GPRIN2: variants seen among roughly 807,000 people sequenced by gnomAD.
GPRIN2 encodes G protein regulated inducer of neurite outgrowth 2, also known as G protein-regulated inducer of neurite outgrowth 2.
In GPRIN2, 1 loss-of-function variant was observed where a neutral mutation model predicts 0.3. The ratio of observed to expected loss-of-function variants is 3.90; its 90% CI spans 1.39 to 18.51. GPRIN2 has a LOEUF of 18.51. Among genes scored for constraint, GPRIN2 ranks in the 30% most tolerant of loss-of-function variants. GPRIN2 has a pLI of 0.11. For missense variants in GPRIN2, 880 were observed against 604.2 expected (o/e 1.46, Z -4.79); for synonymous variants, 361 against 258.6 (o/e 1.40, Z -3.80).
At position 46,545,181 on chromosome 10, in the gene GPRIN2, A is replaced by C. The variant is rs1222607787; in HGVS notation, c.*4179T>G. Among the ~76,000 whole-genome samples, 4 of 152,308 alleles carry C rather than the reference A, an allele frequency of 2.6e-5. No homozygotes were observed. The highest frequency in any genetic ancestry group is 9.6e-5 in the African/African-American group (4 of 41,486). The stretch of plus-strand genomic sequence containing the variant: ...TGGCATGACATGGATGCAAATGTCA[A>C]TGGGTGCACCCCCAGATGCCTGTGA... On this transcript the variant is annotated 3_prime_UTR_variant, in exon 3 of 3. Coordinates refer to ENST00000374314, the MANE Select transcript of GPRIN2 (RefSeq NM_001385282.1).
rs1052912574 is a variant in GPRIN2, at chr10:46,542,093, A to G, written c.*7267T>C. On this transcript the variant is annotated 3_prime_UTR_variant, in exon 3 of 3. Coordinates refer to ENST00000374314, the MANE Select transcript of GPRIN2 (RefSeq NM_001385282.1). ...AAAAGCCACAAAGCTTGTGTACAAA[A>G]TGACACCCTTGGCCACCATCTCCCA... is the stretch of plus-strand genomic sequence containing the variant. Among the ~76,000 whole-genome samples the G allele has an allele frequency of 2.0e-5, 3 of 152,310 alleles. No homozygotes were observed. Among genetic ancestry groups the G allele is most frequent in the African/African-American group, 4.8e-5 (2 of 41,486 alleles).
At position 46,550,747 on chromosome 10, in the gene GPRIN2, A is replaced by G. The variant is rs1842506067; in HGVS notation, c.-6-5T>C. ...GCGGCTGGAGCTCATGGCTGCCTGC[A>G]GAAGAGAGAAAGGGAGGGAGTGGAG... On this transcript the variant is annotated splice_polypyrimidine_tract_variant and splice_region_variant and intron_variant, in intron 2 of 2. Transcript: ENST00000374314. 26 of 1,501,820 alleles carry G rather than the reference A, an allele frequency of 1.7e-5. No homozygotes were observed. Among genetic ancestry groups the G allele is most frequent in the Non-Finnish European group, 2.1e-5 (24 of 1,127,380 alleles). 93.0% of individuals were successfully genotyped at this position (1,501,820 alleles called of 1,614,324 possible).
intron 2 of GPRIN2, among the ~76,000 whole-genome samples, chr10:46,553,371 T>C (rs1832051683): frequency 6.6e-6 from 1 of 152,426 alleles, no homozygotes; most frequent in East Asian, 1.9e-4. Context: ...GTGTTCCTCC[T>C]GACTGGGACA....
intron 1 of GPRIN2, among the ~76,000 whole-genome samples, chr10:46,555,071 C>T (rs1168695453): frequency 3.3e-5 from 5 of 152,302 alleles, no homozygotes; most frequent in South Asian, 2.1e-4. Flanking sequence ...CTTAGTCTCC[C>T]GGCAGCTGGG....
chr10:46,552,361 A>G (rs1842708781), intron 2 of GPRIN2, among the ~76,000 whole-genome samples: 1 of 152,310 alleles, frequency 6.6e-6, no homozygotes, highest in Non-Finnish European at 1.5e-5. Flanking sequence ...GGGTGGGGAC[A>G]GGAGGCAGCA....
chr10:46,551,626 A>T, intron 2 of GPRIN2: 6 of 437,164 alleles, frequency 1.4e-5, no homozygotes, highest in Non-Finnish European at 1.8e-5. Context: ...ACCATCAATC[A>T]GACCTATCCT....
Position 46,549,321 on chromosome 10 carries a change from A to G in GPRIN2, c.*39T>C. The G allele has an allele frequency of 1.4e-6, 2 of 1,455,728 alleles. No homozygotes were observed. Among genetic ancestry groups the G allele is most frequent in the Non-Finnish European group, 9.1e-7 (1 of 1,104,680 alleles). The allele number at this position is 1,455,728 out of a possible 1,614,324, so 90.2% of individuals were successfully genotyped here. ...CGTCCCTGGCCCAGGTCTAGGACTA[A>G]GTCAGTGGGCCCAGGCCAGCTCCAA... On this transcript the variant is annotated 3_prime_UTR_variant, in exon 3 of 3. Coordinates refer to ENST00000374314, the MANE Select transcript of GPRIN2 (RefSeq NM_001385282.1).
Position 46,550,530 on chromosome 10 carries a change from A to T in GPRIN2, c.207T>A (p.Pro69=), listed in dbSNP as rs1842499309. 6.3e-7 allele frequency: 1 copy of T among 1,595,628 alleles called. No homozygotes were observed. Among genetic ancestry groups the T allele is most frequent in the Non-Finnish European group, 8.5e-7 (1 of 1,170,084 alleles). Residue 69 remains proline (P), a synonymous_variant, in exon 3 of 3, where the codon CCT becomes CCA. Transcript: ENST00000374314. ...PQAPEEEGNP[P]ESMKPARASG... Reference sequence around the variant, plus strand: ...AGGCCCGTGCTGGCTTCATGCTCTCAGGCGGGTTCCCCTCTTCCTCCGGGG... The same window carrying T: ...AGGCCCGTGCTGGCTTCATGCTCTCTGGCGGGTTCCCCTCTTCCTCCGGGG...
At chr10:46,550,878 A>G in intron 2 of GPRIN2, 136 bp from the exon 3 acceptor site, 2 of 966,612 alleles carry the variant, frequency 2.1e-6, no homozygotes, top group East Asian at 2.8e-5. Flanking sequence ...GGTCAGAACC[A>G]TATGCAAGGC....
chr10:46,556,359 T>C (rs1831829816), intron 1 of GPRIN2, among the ~76,000 whole-genome samples, 139 bp downstream of exon 1: 296 of 152,208 alleles, frequency 1.9e-3, no homozygotes, highest in South Asian at 0.014. Context: ...CCGGGGGCTC[T>C]GGGCGCTGGG....
At chr10:46,557,273 G>T (rs1158095000), upstream of GPRIN2, among the ~76,000 whole-genome samples, 1 of 152,296 alleles carries the variant, frequency 6.6e-6, no homozygotes, top group Non-Finnish European at 1.5e-5. Context: ...CCCATCCTCT[G>T]AGCTCCACTC....
intron 2 of GPRIN2, chr10:46,551,587 G>T: frequency 1.2e-6 from 1 of 810,400 alleles, no homozygotes; most frequent in Non-Finnish European, 1.5e-6. Flanking sequence ...TGGGGACGGT[G>T]CAGCAGTGAG....
rs1353915227 is a variant in GPRIN2 at position 46,550,197 on chromosome 10, ATCC to A, written c.537_539del (p.Glu179del). The A allele has an allele frequency of 1.9e-6, 3 of 1,600,950 alleles. No homozygotes were observed. The highest frequency in any genetic ancestry group is 2.6e-6 in the Non-Finnish European group (3 of 1,173,368). On this transcript the variant is annotated inframe_deletion, in exon 3 of 3. Transcript: ENST00000374314. ...GCATCCAGGCTGAGTTAGAAGTCTCATCCTCAGGAGCCAGGTCCCTTTCCAGGC... is the reference window on the plus strand; with the variant it reads ...GCATCCAGGCTGAGTTAGAAGTCTCATCAGGAGCCAGGTCCCTTTCCAGGC...
upstream of GPRIN2, among the ~76,000 whole-genome samples, chr10:46,556,740 A>G (rs1831800618): frequency 9.3e-4 from 141 of 152,202 alleles, no homozygotes; most frequent in Admixed American, 1.4e-3. Context: ...GGCCCGTGCC[A>G]CTCTGGAGCC....
intron 2 of GPRIN2, among the ~76,000 whole-genome samples, chr10:46,552,765 A>G (rs1401558973): frequency 6.6e-6 from 1 of 152,312 alleles, no homozygotes; most frequent in Non-Finnish European, 1.5e-5. Context: ...ACATGAGGCT[A>G]ATGGCTACCG....
Position 46,549,464 on chromosome 10 carries a change from C to T in GPRIN2, c.1273G>A (p.Glu425Lys), listed in dbSNP as rs1832711321. The change falls in exon 3 of 3, where the codon GAG becomes AAG. Residue 425 changes from glutamate to lysine, a missense_variant. By Grantham distance (56) the Glu-to-Lys change is moderately conservative. Coordinates refer to ENST00000374314, the MANE Select transcript of GPRIN2 (RefSeq NM_001385282.1). The part of the protein sequence containing the change: ...FEQLQRAPAS[E>K]DSLSVEGRRG... Reference sequence around the variant, plus strand: ...CGGCCCTCCACAGACAGGCTGTCCTCGCTGGCGGGCGCCCGCTGCAGCTGC... The same window carrying T: ...CGGCCCTCCACAGACAGGCTGTCCTTGCTGGCGGGCGCCCGCTGCAGCTGC... 41 of 1,609,572 alleles carry T rather than the reference C, an allele frequency of 2.5e-5. No homozygotes were observed. The highest frequency in any genetic ancestry group is 1.3e-4 in the Admixed American group (8 of 59,676).
In GPRIN2 at chr10:46,550,498, G is replaced by A; in HGVS notation, c.239C>T (p.Pro80Leu). The change falls in exon 3 of 3, where the codon CCC (proline) becomes CTC (leucine). Residue 80 changes from proline to leucine, a missense_variant. Transcript: ENST00000374314. ...GCCTCCAGCACTGGGTCGCGCCTTG[G>A]GGCCAGAGGCCCGTGCTGGCTTCAT... is the stretch of plus-strand genomic sequence containing the variant. ...ESMKPARASG[P>L]KARPSAGGHW... 1.2e-6 allele frequency: 2 copies of A among 1,607,484 alleles called. No homozygotes were observed. The highest frequency in any genetic ancestry group is 1.7e-6 in the Non-Finnish European group (2 of 1,176,280).
rs142429365 is a variant in GPRIN2, at chr10:46,549,840, G to A, written c.897C>T (p.Pro299=). The change falls in exon 3 of 3, where the codon CCC becomes CCT. Residue 299 remains proline (P), a synonymous_variant. Transcript: ENST00000374314. ...HSHCCAHLWG[P]AGLVPEPGSR... ...AGCCAGGCTCTGGGACTAACCCAGC[G>A]GGACCCCAAAGGTGGGCACAGCAAT... 413 of 1,613,700 alleles carry A rather than the reference G, an allele frequency of 2.6e-4. No individual in the cohort carries two copies. The highest frequency in any genetic ancestry group is 6.7e-4 in the African/African-American group (50 of 75,056).
chr10:46,545,931 C>T lies in GPRIN2; in HGVS notation c.*3429G>A, dbSNP rs1463095728. 6.6e-6 allele frequency among the ~76,000 whole-genome samples: 1 copy of T among 152,312 alleles called. No homozygotes were observed. The highest frequency in any genetic ancestry group is 6.5e-5 in the Admixed American group (1 of 15,294). On this transcript the variant is annotated 3_prime_UTR_variant, in exon 3 of 3. Transcript: ENST00000374314. ...GGCTATAGGTGTGGATCCTATATAT[C>T]CAGATTCAAACTCCAGCTTTAGCCC...
Sources: allele counts gnomAD v4.1 joint callset (sites outside exome capture counted in the v4.1 genomes callset), GRCh38; gene constraint gnomAD v4.1.1; transcripts MANE v1.5; gene names NCBI Gene and HGNC (gene_info 2026-07-23, HGNC 2026-07-21).